Variants in STK32C observed in about 807,000 individuals in gnomAD.
The protein encoded by STK32C is serine/threonine kinase 32C, also known as serine/threonine-protein kinase 32C.
STK32C carries 31 observed loss-of-function variants against 56.5 expected under a neutral mutation model. The ratio of observed to expected loss-of-function variants is 0.55; its 90% CI spans 0.41 to 0.74. The LOEUF (loss-of-function observed/expected upper bound fraction) is 0.74, where lower values mean the gene tolerates loss of function less well. STK32C is among the 30% of genes least tolerant of loss of function. The pLI is 0.00. For synonymous variants in STK32C, 309 were observed against 289.4 expected (o/e 1.07, Z -0.69); for missense variants, 544 against 676.9 (o/e 0.80, Z 2.18).
At chr10:132,227,825 G>A (rs2062946554) in intron 3 of STK32C, 152 bp downstream of exon 3, 1 of 1,001,416 alleles carries the variant, frequency 1.0e-6, no homozygotes, top group African/African-American at 1.6e-5. Context: ...CAGGAAGGGG[G>A]ATAGATGAGG....
intron 2 of STK32C, among the ~76,000 whole-genome samples, chr10:132,243,734 A>G (rs1000735098): frequency 1.3e-5 from 2 of 152,188 alleles, no homozygotes; most frequent in African/African-American, 4.8e-5. Context: ...CCGAGGGTGG[A>G]GCCATGGCCC....
At chr10:132,291,904 C>T (rs368023772) in intron 1 of STK32C, among the ~76,000 whole-genome samples, 3 of 152,172 alleles carry the variant, frequency 2.0e-5, no homozygotes, top group Admixed American at 6.5e-5. Context: ...ATGCTGACAG[C>T]GAGAGGTGGT....
At chr10:132,220,333 C>T (rs1265827815) in intron 10 of STK32C, among the ~76,000 whole-genome samples, 1 of 152,230 alleles carries the variant, frequency 6.6e-6, no homozygotes, top group Non-Finnish European at 1.5e-5. Context: ...GGTTTTCCTC[C>T]CCGGAGAGCC....
chr10:132,222,985 A>T lies in STK32C; in HGVS notation c.995T>A (p.Leu332His). The part of the protein sequence containing the change: ...SKEMVALLRK[L>H]LTVNPEHRLS... ...CCGGTGCTCGGGGTTCACAGTGAGG[A>T]GCTGCAACCAGGCATGAGTCAGAGG... Residue 332 changes from leucine (L) to histidine (H), a missense_variant and splice_region_variant, in exon 9 of 12, where the codon CTC (leucine) becomes CAC (histidine). By Grantham distance (99) the Leu-to-His change is moderately conservative. Coordinates refer to ENST00000298630, the MANE Select transcript of STK32C (RefSeq NM_173575.4). 6.5e-7 allele frequency: 1 copy of T among 1,548,928 alleles called. No individual in the cohort carries two copies. The highest frequency in any genetic ancestry group is 8.7e-7 in the Non-Finnish European group (1 of 1,151,516).
At chr10:132,213,001 G>T (rs774411986) in intron 10 of STK32C, among the ~76,000 whole-genome samples, 2 of 152,224 alleles carry the variant, frequency 1.3e-5, no homozygotes, top group Admixed American at 6.5e-5. Context: ...GAACTCCTGC[G>T]GCTGCGGTCT....
intron 1 of STK32C, among the ~76,000 whole-genome samples, chr10:132,264,549 G>A (rs2064428990): frequency 6.6e-6 from 1 of 152,222 alleles, no homozygotes; most frequent in African/African-American, 2.4e-5. Context: ...ACGGCCTCAG[G>A]GAGAGGAGGG....
chr10:132,269,237 C>G (rs376136210), intron 1 of STK32C, among the ~76,000 whole-genome samples: 2 of 151,864 alleles, frequency 1.3e-5, no homozygotes, highest in Non-Finnish European at 2.9e-5. Flanking sequence ...GTGCATGTGT[C>G]TGTGTCTCCG....
chr10:132,307,668 G>A lies in STK32C; in HGVS notation c.166C>T (p.Arg56Cys). 1.3e-6 allele frequency: 2 copies of A among 1,531,620 alleles called. No individual in the cohort carries two copies. Among genetic ancestry groups the A allele is most frequent in the East Asian group, 2.7e-5 (1 of 36,376 alleles). 94.9% of individuals were successfully genotyped at this position (1,531,620 alleles called of 1,614,324 possible). The stretch of plus-strand genomic sequence containing the variant: ...CACTTGCTCCACTGAAACAGGGGGC[G>A]CGGCTGCGAGCGGACATCGCCCGAG... Reference protein sequence around the residue: ...RDSGDVRSQPRPLFQWSKWKK... With the variant: ...RDSGDVRSQPCPLFQWSKWKK... The change falls in exon 1 of 12, where the codon CGC (arginine) becomes TGC (cysteine). Residue 56 changes from arginine (R) to cysteine (C), a missense_variant. Arg to Cys is a radical substitution (Grantham distance 180, BLOSUM62 -3). This residue lies in a region of STK32C where 182 missense variants were observed against 217.7 expected (regional missense o/e 0.84). Coordinates refer to ENST00000298630, the MANE Select transcript of STK32C (RefSeq NM_173575.4). The surrounding 1 kb of genome is among the most constrained non-coding windows in gnomAD (Gnocchi z 4.4).
At chr10:132,228,867 G>C (rs1387027793) in intron 2 of STK32C, among the ~76,000 whole-genome samples, 1 of 152,264 alleles carries the variant, frequency 6.6e-6, no homozygotes, top group Non-Finnish European at 1.5e-5. Flanking sequence ...CACACAGAGT[G>C]AGCGTGGGGC....
At chr10:132,260,291 C>G (rs2064259333) in intron 1 of STK32C, among the ~76,000 whole-genome samples, 2 of 152,190 alleles carry the variant, frequency 1.3e-5, no homozygotes, top group African/African-American at 4.8e-5. Context: ...CCCCCAGAGT[C>G]CGGCCCGGGG....
At chr10:132,224,318 T>C (rs1348492717) in intron 8 of STK32C, 89 bp downstream of exon 8, 34 of 935,788 alleles carry the variant, frequency 3.6e-5, no homozygotes, top group Non-Finnish European at 5.2e-5. Context: ...GCACTAACTG[T>C]GCACTGGAGG....
intron 1 of STK32C, among the ~76,000 whole-genome samples, chr10:132,305,598 G>A (rs2066033951): frequency 1.3e-5 from 2 of 152,176 alleles, no homozygotes; most frequent in African/African-American, 4.8e-5. Context: ...TGAAAGGGGT[G>A]GGACTCAGGG....
At chr10:132,273,492 T>C (rs1205710211) in intron 1 of STK32C, among the ~76,000 whole-genome samples, 2 of 150,966 alleles carry the variant, frequency 1.3e-5, no homozygotes, top group Non-Finnish European at 3.0e-5. Flanking sequence ...AGTGAACGAA[T>C]GCACGGTTAA....
At chr10:132,270,116 C>G (rs1000128260) in intron 1 of STK32C, among the ~76,000 whole-genome samples, 12 of 152,242 alleles carry the variant, frequency 7.9e-5, no homozygotes. Context: ...GCAGCACCCA[C>G]GTGAGGAGGA....
downstream of STK32C, among the ~76,000 whole-genome samples, chr10:132,321,360 T>C (rs2066404778): frequency 6.6e-6 from 1 of 152,078 alleles, no homozygotes; most frequent in Non-Finnish European, 1.5e-5. Context: ...ATGGTACTAA[T>C]TTTGGGATGG....
chr10:132,272,451 C>G (rs964934915), intron 1 of STK32C, among the ~76,000 whole-genome samples: 1 of 152,248 alleles, frequency 6.6e-6, no homozygotes, highest in Non-Finnish European at 1.5e-5. Flanking sequence ...CTAACGTGCC[C>G]TCAACCCAGC....
In STK32C at chr10:132,222,662, G is replaced by C. The variant is rs2062723342; in HGVS notation, c.1230C>G (p.Asn410Lys). 6.2e-7 allele frequency: 1 copy of C among 1,613,000 alleles called. No homozygotes were observed. The highest frequency in any genetic ancestry group is 8.5e-7 in the Non-Finnish European group (1 of 1,179,956). The change falls in exon 10 of 12, where the codon AAC (asparagine) becomes AAG (lysine). Residue 410 changes from asparagine (N) to lysine (K), a missense_variant. Asn to Lys is a moderately conservative substitution (Grantham distance 94). Around this residue, in one of 3 missense-constraint regions of STK32C, gnomAD observed 277 missense variants for 309.3 expected, o/e 0.90. Coordinates refer to ENST00000298630, the MANE Select transcript of STK32C (RefSeq NM_173575.4). Reference sequence around the variant, plus strand: ...TCACGGACTGGGAGCTGTCCCTGCTGTTGTCCCGGGACTTGTTCTTGGCCA... The same window carrying C: ...TCACGGACTGGGAGCTGTCCCTGCTCTTGTCCCGGGACTTGTTCTTGGCCA... ...KRLAKNKSRD[N>K]SRDSSQSEND...
chr10:132,281,091 G>A (rs991184727), intron 1 of STK32C, among the ~76,000 whole-genome samples: 1 of 148,786 alleles, frequency 6.7e-6, no homozygotes. Flanking sequence ...TGTGATCATG[G>A]CACTGCACTC....
At chr10:132,279,736 C>T (rs897184503) in intron 1 of STK32C, among the ~76,000 whole-genome samples, 3 of 151,590 alleles carry the variant, frequency 2.0e-5, no homozygotes, top group Admixed American at 1.3e-4. Context: ...CACACCACTG[C>T]ACTCCGTGAT....
Sources: allele counts gnomAD v4.1 joint callset (sites outside exome capture counted in the v4.1 genomes callset), GRCh38; gene constraint gnomAD v4.1.1; regional missense constraint gnomAD v4.1.1; non-coding constraint Gnocchi (gnomAD v3.1); transcripts MANE v1.5; gene names NCBI Gene and HGNC (gene_info 2026-07-23, HGNC 2026-07-21).